Variants in COL14A1 observed in about 807,000 individuals in gnomAD.
COL14A1 encodes the protein collagen type XIV alpha 1 chain.
Under a neutral mutation model 230.3 loss-of-function variants are expected in COL14A1, and 136 were observed. The ratio of observed to expected loss-of-function variants is 0.59; its 90% CI spans 0.51 to 0.68. The LOEUF (loss-of-function observed/expected upper bound fraction) is 0.68. COL14A1 is among the 30% of genes least tolerant of loss of function. COL14A1 has a pLI of 0.00. For missense variants in COL14A1, 1,976 were observed against 2,215.8 expected (o/e 0.89, Z 2.17); for synonymous variants, 792 against 784.1 (o/e 1.01, Z -0.17).
rs113923173 is a variant in COL14A1 at position 120,334,585 on chromosome 8, A to ACACACACACACACACAC, written c.4785+1850_4785+1851insCACACACACACACACAC. Among the ~76,000 whole-genome samples, 405 of 144,782 alleles carry ACACACACACACACACAC rather than the reference A, an allele frequency of 2.8e-3. 2 individuals are homozygous for ACACACACACACACACAC. The highest frequency in any genetic ancestry group is 0.016 in the Admixed American group (227 of 14,472). The allele number at this position is 144,782 out of a possible 152,430, so 95.0% of individuals were successfully genotyped here. ...AAAAATGCATGCGTTCACACACAAA[A>ACACACACACACACACAC]ACACACACACACACACACACACACA... On this transcript the variant is annotated intron_variant, in intron 42 of 47. Transcript: ENST00000297848.
intron 5 of COL14A1, among the ~76,000 whole-genome samples, chr8:120,168,751 C>A (rs943891594): frequency 6.6e-6 from 1 of 152,116 alleles, no homozygotes; most frequent in Admixed American, 6.6e-5. Flanking sequence ...TAGAACTTTG[C>A]CTGCCATTGA....
At chr8:120,271,025 A>T (rs1819650468) in intron 26 of COL14A1, among the ~76,000 whole-genome samples, 1 of 151,846 alleles carries the variant, frequency 6.6e-6, no homozygotes, top group Admixed American at 6.6e-5. Context: ...CATATACATC[A>T]TGGAATATTA....
At chr8:120,153,720 A>C (rs57192075) in intron 2 of COL14A1, among the ~76,000 whole-genome samples, 9,295 of 152,244 alleles carry the variant, frequency 0.061, 986 homozygotes, top group African/African-American at 0.21. Flanking sequence ...ACTAAGCAAA[A>C]ATGTATTCAC....
At chr8:120,315,369 TAAA>T (rs56356824) in intron 38 of COL14A1, among the ~76,000 whole-genome samples, 161 bp from the exon 39 acceptor site, 2,493 of 111,802 alleles carry the variant, frequency 0.022, 72 homozygotes, top group African/African-American at 0.071. Flanking sequence ...AGACTCCATT[TAAA>T]AAAAAAAAAA....
chr8:120,370,246 C>G, intron 47 of COL14A1: 1 of 1,347,538 alleles, frequency 7.4e-7, no homozygotes, highest in Non-Finnish European at 1.0e-6. Context: ...TTAGTTATCA[C>G]AGGAATTGGT....
chr8:120,342,301 T>C, intron 43 of COL14A1, 79 bp from the exon 44 acceptor site: 2 of 1,431,848 alleles, frequency 1.4e-6, no homozygotes, highest in Non-Finnish European at 2.0e-6. Context: ...ATGGGGCAAG[T>C]CAGATCCACA....
At chr8:120,184,577 G>T (rs193118630) in intron 5 of COL14A1, among the ~76,000 whole-genome samples, 44 of 152,208 alleles carry the variant, frequency 2.9e-4, no homozygotes, top group African/African-American at 1.0e-3. Context: ...TAAGGAATTG[G>T]TTCATGTGAT....
chr8:120,124,855 C>T (rs114158597), upstream of COL14A1, among the ~76,000 whole-genome samples: 1,597 of 152,086 alleles, frequency 0.011, 28 homozygotes, highest in African/African-American at 0.036. Flanking sequence ...GGGAAAGAGC[C>T]TGGCTCGCTC....
chr8:120,310,019 G>T lies in COL14A1; in HGVS notation c.4412G>T (p.Gly1471Val). The T allele has an allele frequency of 6.2e-7, 1 of 1,613,824 alleles. No individual in the cohort carries two copies. The highest frequency in any genetic ancestry group is 8.5e-7 in the Non-Finnish European group (1 of 1,179,856). The change falls in exon 37 of 48, where the codon GGA (glycine) becomes GTA (valine). Residue 1471 changes from glycine to valine, a missense_variant. Coordinates refer to ENST00000297848, the MANE Select transcript of COL14A1 (RefSeq NM_021110.4). ...LGPAGPPGGP[G>V]LRGPKGQQGE... ...ACATCTGTTTGCCAGGGTGGTCCAG[G>T]ACTCCGAGGACCAAAGGGCCAGCAA... is the stretch of plus-strand genomic sequence containing the variant.
chr8:120,315,348 C>T (rs142564556), intron 38 of COL14A1, among the ~76,000 whole-genome samples, 185 bp from the exon 39 acceptor site: 1 of 118,226 alleles, frequency 8.5e-6, no homozygotes, highest in African/African-American at 3.3e-5. Flanking sequence ...CCAGCCTGGG[C>T]AACAAGAGCA....
Position 120,196,878 on chromosome 8 carries a change from G to C in COL14A1, c.524G>C (p.Arg175Thr). 6.2e-7 allele frequency: 1 copy of C among 1,614,148 alleles called. No homozygotes were observed. Among genetic ancestry groups the C allele is most frequent in the Non-Finnish European group, 8.5e-7 (1 of 1,179,996 alleles). ...TGGAGTATTGGAAGATTCAACTTCAGACTGGTTCGGCATTTCTTGGAAAAC... is the reference window on the plus strand; with the variant it reads ...TGGAGTATTGGAAGATTCAACTTCACACTGGTTCGGCATTTCTTGGAAAAC... ...GSWSIGRFNF[R>T]LVRHFLENLV... is the part of the protein sequence containing the mutation. The change falls in exon 6 of 48, where the codon AGA becomes ACA. Residue 175 changes from arginine to threonine, a missense_variant. By Grantham distance (71) the Arg-to-Thr change is moderately conservative (BLOSUM62 -1). Transcript: ENST00000297848.
chr8:120,195,291 C>T (rs2130704115), intron 5 of COL14A1, among the ~76,000 whole-genome samples: 1 of 152,016 alleles, frequency 6.6e-6, no homozygotes. Context: ...ATGAATACTT[C>T]TGTATTTTGG....
intron 1 of COL14A1, among the ~76,000 whole-genome samples, chr8:120,131,525 T>A (rs557040580): frequency 3.5e-4 from 54 of 152,334 alleles, no homozygotes; most frequent in African/African-American, 1.2e-3. Flanking sequence ...AAATATCCGC[T>A]CATGCCCTTT....
At chr8:120,264,596 A>G (rs1187189144) in intron 24 of COL14A1, among the ~76,000 whole-genome samples, 2 of 152,144 alleles carry the variant, frequency 1.3e-5, no homozygotes, top group Non-Finnish European at 2.9e-5. Flanking sequence ...TGTCATTACC[A>G]TTATTATTTT....
chr8:120,263,023 T>C lies in COL14A1; in HGVS notation c.3016+9T>C, dbSNP rs757459080. 2.5e-6 allele frequency: 4 copies of C among 1,598,640 alleles called. No homozygotes were observed. Among genetic ancestry groups the C allele is most frequent in the Admixed American group, 1.7e-5 (1 of 57,254 alleles). ...CATAATGGAAAAAACACGTAAGTCA[T>C]GTGTGTTCTCTCCTGATCCCTCTCC... On this transcript the variant is annotated intron_variant, in intron 24 of 47. Transcript: ENST00000297848.
intron 45 of COL14A1, among the ~76,000 whole-genome samples, chr8:120,355,837 T>C (rs1159999767): frequency 6.6e-6 from 1 of 152,210 alleles, no homozygotes; most frequent in Non-Finnish European, 1.5e-5. Flanking sequence ...CATTTTAGAT[T>C]GTATAGCTGG....
intron 22 of COL14A1, among the ~76,000 whole-genome samples, chr8:120,253,917 T>C (rs1311146902): frequency 6.6e-6 from 1 of 152,164 alleles, no homozygotes; most frequent in African/African-American, 2.4e-5. Flanking sequence ...AGAGCGAGAC[T>C]CCATCTCAAA....
intron 5 of COL14A1, among the ~76,000 whole-genome samples, chr8:120,195,791 C>T (rs943744792): frequency 6.6e-6 from 1 of 152,152 alleles, no homozygotes; most frequent in African/African-American, 2.4e-5. Flanking sequence ...CCACTGCATC[C>T]CTCCCATGAC....
At chr8:120,328,973 C>T (rs147391572) in intron 40 of COL14A1, among the ~76,000 whole-genome samples, 384 of 152,148 alleles carry the variant, frequency 2.5e-3, no homozygotes, top group African/African-American at 8.7e-3. Flanking sequence ...TGTGGGCTCA[C>T]GCATAGGTGC....
Sources: allele counts gnomAD v4.1 joint callset (sites outside exome capture counted in the v4.1 genomes callset), GRCh38; gene constraint gnomAD v4.1.1; transcripts MANE v1.5; gene names NCBI Gene and HGNC (gene_info 2026-07-23, HGNC 2026-07-21).